Variants in DOC2A observed in about 807,000 individuals in gnomAD.
DOC2A encodes the protein double C2 domain alpha, also known as double C2-like domain-containing protein alpha.
Under a neutral mutation model 40.6 loss-of-function variants are expected in DOC2A, and 28 were observed. That is an observed-to-expected ratio of 0.69 (90% CI 0.51 to 0.95). The LOEUF is 0.95. DOC2A is among the 40% of genes least tolerant of loss of function. The probability of loss-of-function intolerance (pLI) is 0.00; values close to 1 mark genes in which losing one functional copy is unlikely to be tolerated. For missense variants in DOC2A, 474 were observed against 552.5 expected (o/e 0.86, Z 1.42); for synonymous variants, 241 against 236.9 (o/e 1.02, Z -0.16).
intron 1 of DOC2A, among the ~76,000 whole-genome samples, chr16:30,020,234 A>G (rs2070895194): frequency 6.7e-6 from 1 of 149,166 alleles, no homozygotes; most frequent in Admixed American, 6.7e-5. Flanking sequence ...AGTAGAGAGG[A>G]GATTTCATCA....
rs560611003 is a variant in DOC2A, at chr16:30,009,556, G to A, written c.264C>T (p.Thr88=). 4.1e-5 allele frequency: 64 copies of A among 1,551,098 alleles called. No homozygotes were observed. The African/African-American group carries it at 4.6e-4, about 11-fold the overall frequency. The change falls in exon 3 of 11, where the codon ACC becomes ACT. Residue 88 remains threonine, a splice_region_variant and synonymous_variant. Transcript: ENST00000350119. The surrounding 1 kb of genome is among the most constrained non-coding windows in gnomAD (Gnocchi z 4.1). ...GGTCAAACTCCAGCGTGCCTAGGGC[G>A]GCTGGAGAGAGAGGAAAGGCAGCAT... ...EVDSYDSDDA[T]ALGTLEFDLL...
intron 5 of DOC2A, chr16:30,008,070 C>T (rs1288956521): frequency 6.4e-6 from 1 of 155,404 alleles, no homozygotes; most frequent in African/African-American, 2.4e-5. Flanking sequence ...GGTGGCCTCT[C>T]TGCTGCACAG....
In DOC2A at chr16:30,006,064, C is replaced by T. The variant is rs2070573675; in HGVS notation, c.*122G>A. 3.4e-6 allele frequency: 4 copies of T among 1,177,428 alleles called. No individual in the cohort carries two copies. The highest frequency in any genetic ancestry group is 4.7e-6 in the Non-Finnish European group (4 of 857,866). The allele number at this position is 1,177,428 out of a possible 1,614,324, so 72.9% of individuals were successfully genotyped here. On this transcript the variant is annotated 3_prime_UTR_variant, in exon 11 of 11. Transcript: ENST00000350119. This position sits in a 1 kb window ranked among gnomAD's most constrained non-coding sequence, Gnocchi z 6.2. Reference sequence around the variant, plus strand: ...AGCAGACAGACCCGGGTCACGGAGACTCACAAAAATAGGTAGTGCAGGGTG... The same window carrying T: ...AGCAGACAGACCCGGGTCACGGAGATTCACAAAAATAGGTAGTGCAGGGTG...
chr16:30,014,023 C>A (rs1365457012), upstream of DOC2A, among the ~76,000 whole-genome samples: 1 of 151,626 alleles, frequency 6.6e-6, no homozygotes, highest in Non-Finnish European at 1.5e-5. Flanking sequence ...CCATGAAGTT[C>A]AAAATTCTTA....
At chr16:30,019,594 T>C (rs185968633) in intron 1 of DOC2A, among the ~76,000 whole-genome samples, 2 of 152,288 alleles carry the variant, frequency 1.3e-5, no homozygotes, top group East Asian at 1.9e-4. Context: ...CTAGTAGAGA[T>C]AGCTTAATGT....
At position 30,009,490 on chromosome 16, in the gene DOC2A, G is replaced by A; in HGVS notation, c.330C>T (p.Ile110=). Residue 110 remains isoleucine (I), a synonymous_variant, in exon 3 of 11, where the codon ATC becomes ATT. Transcript: ENST00000350119. The surrounding 1 kb of genome is among the most constrained non-coding windows in gnomAD (Gnocchi z 4.1). ...AGGGAGTGCCCACCTTGGCCCTGAG[G>A]ATGCTACAGTGCAGAGTGCAGGAGG... ...DRASCTLHCS[I]LRAKGLKPMD... 1 of 1,551,538 alleles carries A rather than the reference G, an allele frequency of 6.4e-7. No homozygotes were observed. The highest frequency in any genetic ancestry group is 8.7e-7 in the Non-Finnish European group (1 of 1,146,984).
At position 30,009,180 on chromosome 16, in the gene DOC2A, CG is replaced by C. The variant is rs1314130793; in HGVS notation, c.417+21del. 2.4e-6 allele frequency: 3 copies of C among 1,257,612 alleles called. No individual in the cohort carries two copies. In the Admixed American group the frequency reaches 5.6e-5, roughly 24 times the overall value. 77.9% of individuals were successfully genotyped at this position (1,257,612 alleles called of 1,614,324 possible). ...GGCTGGAGTCATGGGCTGGGCCGGG[CG>C]GGGCGAGAGGAGGCTGTTACCTTAC... On this transcript the variant is annotated intron_variant, in intron 4 of 10. Transcript: ENST00000350119. The surrounding 1 kb of genome is among the most constrained non-coding windows in gnomAD (Gnocchi z 4.1).
chr16:30,011,265 C>G (rs1247081725), upstream of DOC2A: 1 of 952,594 alleles, frequency 1.0e-6, no homozygotes, highest in East Asian at 1.2e-4. Context: ...CGCGCGCACA[C>G]GCCCGTGCCC....
In DOC2A at chr16:30,007,171, A is replaced by C; in HGVS notation, c.654+2T>G. ...TGGCGCCCCTGCAGCCCCCACACAG[A>C]CCGGGACCTGGCGCTCGAGGCAGAT... On this transcript the variant is annotated splice_donor_variant, in intron 6 of 10. Transcript: ENST00000350119. LOFTEE classifies it high-confidence loss of function. The C allele has an allele frequency of 6.2e-7, 1 of 1,613,942 alleles. No homozygotes were observed. The highest frequency in any genetic ancestry group is 8.5e-7 in the Non-Finnish European group (1 of 1,180,006).
rs766914319 is a variant in DOC2A at position 30,006,769 on chromosome 16, C to T, written c.878+16G>A. On this transcript the variant is annotated intron_variant, in intron 8 of 10. Transcript: ENST00000350119. The surrounding 1 kb of genome is among the most constrained non-coding windows in gnomAD (Gnocchi z 6.2). Reference sequence around the variant, plus strand: ...GCAGGCTCCCTGGGGAGGAGAGGGTCAGAGCAAGGGCTCACGTCTTGACGT... The same window carrying T: ...GCAGGCTCCCTGGGGAGGAGAGGGTTAGAGCAAGGGCTCACGTCTTGACGT... 3.1e-6 allele frequency: 5 copies of T among 1,613,742 alleles called. No homozygotes were observed. The highest frequency in any genetic ancestry group is 1.6e-4 in the Middle Eastern group (1 of 6,084).
upstream of DOC2A, chr16:30,011,479 C>T: frequency 7.4e-6 from 7 of 945,794 alleles, no homozygotes; most frequent in Non-Finnish European, 8.8e-6. Context: ...CGGCGCCTCC[C>T]TCCCTCCCGG....
upstream of DOC2A, among the ~76,000 whole-genome samples, chr16:30,016,055 A>ATATATATATATT (rs1163519904): frequency 1.2e-4 from 2 of 16,900 alleles, no homozygotes; most frequent in Non-Finnish European, 9.5e-5. Flanking sequence ...ATATATATAT[A>ATATATATATATT]TTTTTTTTTT....
At chr16:30,014,672 G>C (rs1239664763), upstream of DOC2A, among the ~76,000 whole-genome samples, 1 of 147,826 alleles carries the variant, frequency 6.8e-6, no homozygotes, top group African/African-American at 2.5e-5. Flanking sequence ...GGGCATGGTG[G>C]CTTACACCTG....
At chr16:30,015,777 G>A (rs1257867124), upstream of DOC2A, among the ~76,000 whole-genome samples, 2 of 137,834 alleles carry the variant, frequency 1.5e-5, no homozygotes, top group African/African-American at 2.7e-5. Context: ...CATAGCTCAC[G>A]ACATCCTCGA....
In DOC2A at chr16:30,006,990, C is replaced by T. The variant is rs2070626206; in HGVS notation, c.714+41G>A. 5 of 1,613,988 alleles carry T rather than the reference C, an allele frequency of 3.1e-6. No individual in the cohort carries two copies. The highest frequency in any genetic ancestry group is 4.2e-6 in the Non-Finnish European group (5 of 1,179,924). Reference sequence around the variant, plus strand: ...CAGGGTCAGCCTGGGCCCCTGCAGCCTCCCACCCACATGCATCCCCATCCC... The same window carrying T: ...CAGGGTCAGCCTGGGCCCCTGCAGCTTCCCACCCACATGCATCCCCATCCC... On this transcript the variant is annotated intron_variant, in intron 7 of 10. Transcript: ENST00000350119. This position sits in a 1 kb window ranked among gnomAD's most constrained non-coding sequence, Gnocchi z 6.2.
Position 30,006,759 on chromosome 16 carries a change from A to G in DOC2A, c.878+26T>C. The G allele has an allele frequency of 6.2e-7, 1 of 1,613,714 alleles. No individual in the cohort carries two copies. The highest frequency in any genetic ancestry group is 8.5e-7 in the Non-Finnish European group (1 of 1,179,942). ...TCAGGCCAGGGCAGGCTCCCTGGGG[A>G]GGAGAGGGTCAGAGCAAGGGCTCAC... On this transcript the variant is annotated intron_variant, in intron 8 of 10. Coordinates refer to ENST00000350119, the MANE Select transcript of DOC2A (RefSeq NM_003586.3). The surrounding 1 kb of genome is among the most constrained non-coding windows in gnomAD (Gnocchi z 6.2).
In DOC2A at chr16:30,006,727, G is replaced by C. The variant is rs908629357; in HGVS notation, c.879-50C>G. 6.2e-7 allele frequency: 1 copy of C among 1,613,834 alleles called. No homozygotes were observed. The highest frequency in any genetic ancestry group is 8.5e-7 in the Non-Finnish European group (1 of 1,179,906). ...AACTGAGGGGTGAGGGACAGGCCAG[G>C]CCCAACTCAGGCCAGGGCAGGCTCC... On this transcript the variant is annotated intron_variant, in intron 8 of 10. Transcript: ENST00000350119. This position sits in a 1 kb window ranked among gnomAD's most constrained non-coding sequence, Gnocchi z 6.2.
chr16:30,018,518 G>A (rs1037645061), intron 1 of DOC2A: 1 of 152,134 alleles, frequency 6.6e-6, no homozygotes, highest in Non-Finnish European at 1.5e-5. Flanking sequence ...CATTAGGTGA[G>A]AGATAAGGAA....
Position 30,010,051 on chromosome 16 carries a change from G to A in DOC2A, c.172C>T (p.Pro58Ser), listed in dbSNP as rs1456021872. The change falls in exon 2 of 11, where the codon CCC becomes TCC. Residue 58 changes from proline (P) to serine (S), a missense_variant. By Grantham distance (74) the Pro-to-Ser change is moderately conservative (BLOSUM62 -1). Coordinates refer to ENST00000350119, the MANE Select transcript of DOC2A (RefSeq NM_003586.3). This position sits in a 1 kb window ranked among gnomAD's most constrained non-coding sequence, Gnocchi z 4.2. ...GGGEAPAHLV[P>S]LALAPPAALL... ...GCTGCAGGGGGGGCCAGAGCCAGGG[G>A]GACCAGATGGGCGGGGGCCTCCCCG... 3 of 1,611,752 alleles carry A rather than the reference G, an allele frequency of 1.9e-6. No homozygotes were observed. Among genetic ancestry groups the A allele is most frequent in the African/African-American group, 1.3e-5 (1 of 75,030 alleles).
Sources: allele counts gnomAD v4.1 joint callset (sites outside exome capture counted in the v4.1 genomes callset), GRCh38; gene constraint gnomAD v4.1.1; non-coding constraint Gnocchi (gnomAD v3.1); transcripts MANE v1.5; gene names NCBI Gene and HGNC (gene_info 2026-07-23, HGNC 2026-07-21).